The following SIK3 variants were observed in gnomAD, a reference collection of about 807,000 sequenced individuals.
The protein encoded by SIK3 is serine/threonine-protein kinase SIK3.
Under a neutral mutation model 144.2 loss-of-function variants are expected in SIK3, and 28 were observed. The ratio of observed to expected loss-of-function variants is 0.19; its 90% confidence interval spans 0.14 to 0.27. The LOEUF (loss-of-function observed/expected upper bound fraction) is 0.27. SIK3 is among the 10% of genes least tolerant of loss of function. SIK3 has a pLI of 1.00. For synonymous variants in SIK3, 686 were observed against 676.3 expected (o/e 1.01, Z -0.22); for missense variants, 1,319 against 1,776.0 (o/e 0.74, Z 4.62).
chr11:116,919,465 G>A (rs1300982310), intron 4 of SIK3, among the ~76,000 whole-genome samples: 1 of 151,940 alleles, frequency 6.6e-6, no homozygotes, highest in Non-Finnish European at 1.5e-5. Flanking sequence ...ACACGAGAGT[G>A]GAAACTATCT....
At chr11:117,008,075 C>CAAAAAA (rs59486431) in intron 1 of SIK3, among the ~76,000 whole-genome samples, 14 of 54,662 alleles carry the variant, frequency 2.6e-4, no homozygotes, top group African/African-American at 7.6e-4. Context: ...GACTCCATCT[C>CAAAAAA]AAAAAAAAAA....
chr11:117,036,663 G>A (rs536149080), intron 1 of SIK3, among the ~76,000 whole-genome samples: 108 of 152,230 alleles, frequency 7.1e-4, no homozygotes, highest in African/African-American at 2.6e-3. Flanking sequence ...TTAACATATC[G>A]TTAATTCTTC....
intron 1 of SIK3, among the ~76,000 whole-genome samples, chr11:116,992,432 C>A (rs534985325): frequency 6.6e-6 from 1 of 151,740 alleles, no homozygotes; most frequent in South Asian, 2.1e-4. Flanking sequence ...CCACTCCTTA[C>A]CTATATCCCA....
At chr11:116,916,512 ATTTT>A (rs372061347) in intron 4 of SIK3, among the ~76,000 whole-genome samples, 1 of 141,320 alleles carries the variant, frequency 7.1e-6, no homozygotes, top group African/African-American at 2.6e-5. Flanking sequence ...ATCACATCAA[ATTTT>A]TTTTTTTTTT....
chr11:116,896,400 T>C (rs1945401612), intron 5 of SIK3, 24 bp from the exon 6 acceptor site: 1 of 1,610,806 alleles, frequency 6.2e-7, no homozygotes, highest in Non-Finnish European at 8.5e-7. Context: ...AGAGAGGATG[T>C]ACAATTAATC....
At chr11:116,889,574 A>G (rs1944995671) in intron 6 of SIK3, among the ~76,000 whole-genome samples, 2 of 152,172 alleles carry the variant, frequency 1.3e-5, no homozygotes, top group African/African-American at 4.8e-5. Context: ...CGCCAAAAAT[A>G]TAAAAACTGA....
At chr11:116,940,240 T>TG (rs1288567019) in intron 3 of SIK3, among the ~76,000 whole-genome samples, 22 of 151,244 alleles carry the variant, frequency 1.5e-4, no homozygotes, top group African/African-American at 5.1e-4. Flanking sequence ...TGTTTTTTTT[T>TG]TTTTTTTGAG....
chr11:117,039,976 A>C lies in SIK3; in HGVS notation c.273+58167T>G, dbSNP rs148808873. On this transcript the variant is annotated intron_variant, in intron 1 of 24. Transcript: ENST00000445177. Reference sequence around the variant, plus strand: ...TAAAATAAACACAGTGACTAAACACATTTCCCCACACACTCATCTCTACCA... The same window carrying C: ...TAAAATAAACACAGTGACTAAACACCTTTCCCCACACACTCATCTCTACCA... Among the ~76,000 whole-genome samples, 237 of 152,288 alleles carry C rather than the reference A, an allele frequency of 1.6e-3. 2 individuals carry two copies. Among genetic ancestry groups the C allele is most frequent in the Middle Eastern group, 6.8e-3 (2 of 294 alleles).
chr11:116,936,644 C>A (rs1434188798), intron 3 of SIK3, among the ~76,000 whole-genome samples: 1 of 152,228 alleles, frequency 6.6e-6, no homozygotes, highest in Admixed American at 6.5e-5. Flanking sequence ...TTTCGACTTA[C>A]ATTTAAAGAG....
chr11:117,046,373 G>A (rs118121169), intron 1 of SIK3, among the ~76,000 whole-genome samples: 3,717 of 152,254 alleles, frequency 0.024, 82 homozygotes, highest in South Asian at 0.1. Flanking sequence ...ATCCTTTGCG[G>A]CACTATTCAA....
chr11:116,873,662 G>T, intron 12 of SIK3, 26 bp from the exon 13 acceptor site: 2 of 1,526,378 alleles, frequency 1.3e-6, no homozygotes, highest in African/African-American at 1.4e-5. Context: ...TGGGGAGGAC[G>T]GACCATGAGA....
chr11:117,044,985 T>C (rs1391293061), intron 1 of SIK3, among the ~76,000 whole-genome samples: 1 of 152,238 alleles, frequency 6.6e-6, no homozygotes, highest in Non-Finnish European at 1.5e-5. Flanking sequence ...CTCAGTTATC[T>C]TTCTTGGCTT....
At chr11:117,089,331 C>T (rs147217730) in intron 1 of SIK3, among the ~76,000 whole-genome samples, 4,345 of 150,898 alleles carry the variant, frequency 0.029, 186 homozygotes, top group African/African-American at 0.1. Flanking sequence ...GGCGTGAACC[C>T]GAGAGGTGGA....
chr11:117,057,810 GGTC>G (rs1953607513), intron 1 of SIK3, among the ~76,000 whole-genome samples: 1 of 152,080 alleles, frequency 6.6e-6, no homozygotes, highest in African/African-American at 2.4e-5. Context: ...GATAATTCTA[GGTC>G]CTACTTATTT....
chr11:117,057,460 CT>C (rs1281917634), intron 1 of SIK3, among the ~76,000 whole-genome samples: 4 of 152,158 alleles, frequency 2.6e-5, no homozygotes, highest in Admixed American at 6.6e-5. Flanking sequence ...CTGAAACCCT[CT>C]ATTTCCTCAA....
In SIK3 at chr11:116,919,784, ATTTC is replaced by A. The variant is rs753976380; in HGVS notation, c.616+7431_616+7434del. On this transcript the variant is annotated intron_variant, in intron 4 of 24. Transcript: ENST00000445177. ...TATAATCCATCAGTAAGAAAATTTC[ATTTC>A]TTTATTTCTAAACATATCTTTCAAA... 5.9e-5 allele frequency among the ~76,000 whole-genome samples: 9 copies of A among 152,162 alleles called. No homozygotes were observed. The East Asian group carries it at 1.2e-3, about 20-fold the overall frequency.
Position 117,083,900 on chromosome 11 carries a change from T to C in SIK3, c.273+14243A>G, listed in dbSNP as rs558367686. Among the ~76,000 whole-genome samples the C allele has an allele frequency of 2.0e-5, 3 of 152,216 alleles. No individual in the cohort carries two copies. In the South Asian group the frequency reaches 6.2e-4, roughly 32 times the overall value. On this transcript the variant is annotated intron_variant, in intron 1 of 24. Transcript: ENST00000445177. The stretch of plus-strand genomic sequence containing the variant: ...ATATAAACCTCTTAAACTAAAGAGT[T>C]TGGCCAGTTTCTTCACCAAGTTTTT...
intron 13 of SIK3, among the ~76,000 whole-genome samples, chr11:116,870,639 A>G (rs776808952): frequency 3.3e-5 from 5 of 152,250 alleles, no homozygotes; most frequent in Non-Finnish European, 5.9e-5. Flanking sequence ...TATTAATCTA[A>G]CAAATAGCCA....
At chr11:116,960,484 G>C (rs1394331042) in intron 1 of SIK3, among the ~76,000 whole-genome samples, 1 of 152,158 alleles carries the variant, frequency 6.6e-6, no homozygotes, top group Non-Finnish European at 1.5e-5. Context: ...TCACGCCACT[G>C]CATTGCAATC....
Sources: allele counts gnomAD v4.1 joint callset (sites outside exome capture counted in the v4.1 genomes callset), GRCh38; gene constraint gnomAD v4.1.1; transcripts MANE v1.5; gene names NCBI Gene and HGNC (gene_info 2026-07-23, HGNC 2026-07-21).